The following ARB2A variants were observed in gnomAD, a reference collection of about 807,000 sequenced individuals.
ARB2A encodes cotranscriptional regulator ARB2A.
chr5:93,923,199 C>T, the ARB2A span, among the ~76,000 whole-genome samples: 1 of 152,070 alleles, frequency 6.6e-6, no homozygotes, highest in African/African-American at 2.4e-5. Context: ...TTCCTAATAA[C>T]ATTTTCTTTT....
At chr5:93,888,100 C>G in the ARB2A span, among the ~76,000 whole-genome samples, 1 of 151,818 alleles carries the variant, frequency 6.6e-6, no homozygotes, top group Non-Finnish European at 1.5e-5. Context: ...ATCACCCACT[C>G]CATTTCTAAC....
At chr5:93,976,293 A>G in the ARB2A span, among the ~76,000 whole-genome samples, 66 of 152,280 alleles carry the variant, frequency 4.3e-4, no homozygotes, top group Middle Eastern at 0.014. Flanking sequence ...CATCTATGAA[A>G]AACACACACC....
the ARB2A span, among the ~76,000 whole-genome samples, chr5:93,617,821 A>C: frequency 6.6e-6 from 1 of 152,182 alleles, no homozygotes; most frequent in Non-Finnish European, 1.5e-5. Context: ...TGCTAAGGAG[A>C]TATTTTAGAT....
the ARB2A span, among the ~76,000 whole-genome samples, chr5:93,721,405 T>C: frequency 8.5e-5 from 13 of 152,210 alleles, no homozygotes; most frequent in African/African-American, 2.2e-4. Flanking sequence ...TGAAAAAAGA[T>C]TGGTGTCTGT....
At chr5:93,869,267 G>A in the ARB2A span, among the ~76,000 whole-genome samples, 1 of 152,148 alleles carries the variant, frequency 6.6e-6, no homozygotes, top group Non-Finnish European at 1.5e-5. Flanking sequence ...CCCAAGAAGT[G>A]GGTGAAGGTT....
At chr5:94,000,891 T>C in the ARB2A span, among the ~76,000 whole-genome samples, 21 of 152,222 alleles carry the variant, frequency 1.4e-4, no homozygotes, top group South Asian at 1.0e-3. Flanking sequence ...TTCCAGCAAA[T>C]TGATTTAAAA....
chr5:93,921,672 C>T, the ARB2A span, among the ~76,000 whole-genome samples: 1 of 152,090 alleles, frequency 6.6e-6, no homozygotes, highest in Non-Finnish European at 1.5e-5. Context: ...CATAGGCTAA[C>T]TCTACTGTTT....
At chr5:93,627,740 A>T in the ARB2A span, among the ~76,000 whole-genome samples, 2 of 152,172 alleles carry the variant, frequency 1.3e-5, no homozygotes, top group Admixed American at 6.5e-5. Context: ...ATGCCCAGCC[A>T]CAAAATGTAT....
the ARB2A span, among the ~76,000 whole-genome samples, chr5:93,837,081 G>C: frequency 6.6e-6 from 1 of 152,046 alleles, no homozygotes; most frequent in Non-Finnish European, 1.5e-5. Flanking sequence ...TAGTCACCTA[G>C]GCAATAAGTA....
the ARB2A span, among the ~76,000 whole-genome samples, chr5:93,950,217 G>A: frequency 6.6e-6 from 1 of 152,006 alleles, no homozygotes; most frequent in African/African-American, 2.4e-5. Flanking sequence ...CCATCCTTTC[G>A]GGTATATACC....
chr5:93,998,693 T>C, the ARB2A span, among the ~76,000 whole-genome samples: 1 of 151,996 alleles, frequency 6.6e-6, no homozygotes, highest in Non-Finnish European at 1.5e-5. Flanking sequence ...TAAAGAGATA[T>C]TCCATTTAAC....
At chr5:93,852,242 T>C in the ARB2A span, among the ~76,000 whole-genome samples, 1 of 152,216 alleles carries the variant, frequency 6.6e-6, no homozygotes. Flanking sequence ...TTTGGCTGCA[T>C]GAATGTCTTC....
chr5:93,991,289 T>C, the ARB2A span, among the ~76,000 whole-genome samples: 1 of 152,102 alleles, frequency 6.6e-6, no homozygotes, highest in Non-Finnish European at 1.5e-5. Flanking sequence ...AGGCTGCTTA[T>C]AAGAAACTTA....
the ARB2A span, among the ~76,000 whole-genome samples, chr5:93,912,821 A>G: frequency 6.6e-6 from 1 of 151,830 alleles, no homozygotes; most frequent in East Asian, 1.9e-4. Flanking sequence ...ACAACATCTT[A>G]GAATATAGCT....
the ARB2A span, among the ~76,000 whole-genome samples, chr5:94,016,441 T>C: frequency 6.6e-6 from 1 of 152,204 alleles, no homozygotes; most frequent in African/African-American, 2.4e-5. Flanking sequence ...CAAATGGATA[T>C]AAATAATGTA....
chr5:93,894,189 T>C, the ARB2A span, among the ~76,000 whole-genome samples: 1 of 152,200 alleles, frequency 6.6e-6, no homozygotes, highest in Non-Finnish European at 1.5e-5. Context: ...GTCATGCATA[T>C]GTCTGTTTAA....
At chr5:94,065,543 T>C in the ARB2A span, among the ~76,000 whole-genome samples, 50 of 151,910 alleles carry the variant, frequency 3.3e-4, no homozygotes, top group African/African-American at 1.2e-3. Flanking sequence ...AGACATTCCA[T>C]GCAAACGAAA....
At chr5:93,856,083 T>C in the ARB2A span, among the ~76,000 whole-genome samples, 9 of 151,992 alleles carry the variant, frequency 5.9e-5, no homozygotes, top group Non-Finnish European at 8.8e-5. Flanking sequence ...TTTAGCTGAA[T>C]GTATAACTAG....
chr5:93,707,121 G>C, the ARB2A span, among the ~76,000 whole-genome samples: 1 of 152,074 alleles, frequency 6.6e-6, no homozygotes, highest in African/African-American at 2.4e-5. Flanking sequence ...ACAAGACAAG[G>C]AAAAATGGGA....
Sources: gnomAD v4.1 joint callset for allele counts (sites outside exome capture counted in the v4.1 genomes callset) on GRCh38, gnomAD v4.1.1 for gene constraint, MANE v1.5 for transcripts, NCBI Gene and HGNC (gene_info 2026-07-23, HGNC 2026-07-21) for gene names.